The following RBFOX1 variants were observed in gnomAD, a reference collection of about 807,000 sequenced individuals.
The protein encoded by RBFOX1 is RNA binding fox-1 homolog 1, also known as RNA binding protein fox-1 homolog 1.
In RBFOX1, 8 loss-of-function variants were observed where a neutral mutation model predicts 57.7. That is an observed-to-expected ratio of 0.14 (90% confidence interval 0.08 to 0.25). The LOEUF (loss-of-function observed/expected upper bound fraction) is 0.25, where lower values mean the gene tolerates loss of function less well. Among genes scored for constraint, RBFOX1 ranks in the 10% least tolerant of loss-of-function variants. The probability of loss-of-function intolerance (pLI) is 1.00; values close to 1 mark genes in which losing one functional copy is unlikely to be tolerated. For missense variants in RBFOX1, 611 were observed against 548.5 expected (o/e 1.11, Z -1.14); for synonymous variants, 326 against 222.4 (o/e 1.47, Z -4.15).
In RBFOX1 at chr16:6,895,436, G is replaced by GTATA. The variant is rs1420239034; in HGVS notation, c.-15-156620_-15-156619insATAT. Among the ~76,000 whole-genome samples, 115 of 85,752 alleles carry GTATA rather than the reference G, an allele frequency of 1.3e-3. 1 individual carries two copies. The highest frequency in any genetic ancestry group is 2.2e-3 in the Non-Finnish European group (90 of 40,942). The allele number at this position is 85,752 out of a possible 152,430, so 56.3% of individuals were successfully genotyped here. A position where few individuals can be genotyped will look rare whatever the true frequency, so the allele number is the denominator to read the frequency against. On this transcript the variant is annotated intron_variant, in intron 3 of 15. Coordinates refer to ENST00000550418, the MANE Select transcript of RBFOX1 (RefSeq NM_018723.4). ...GTAATATATGTGTGTGTGTGTGTGT[G>GTATA]TGTGTGTGTGTGTATATATATATAT...
intron 14 of RBFOX1, among the ~76,000 whole-genome samples, chr16:7,687,518 C>A (rs1170621904): frequency 6.6e-6 from 1 of 151,938 alleles, no homozygotes; most frequent in East Asian, 1.9e-4. Flanking sequence ...TTGGTAAGAT[C>A]AGCAATATGA....
chr16:6,221,293 T>C lies in RBFOX1; in HGVS notation c.-126-95702T>C, dbSNP rs147596760. Among the ~76,000 whole-genome samples the C allele has an allele frequency of 2.8e-3, 421 of 152,336 alleles. 3 individuals carry two copies. The highest frequency in any genetic ancestry group is 9.7e-3 in the African/African-American group (403 of 41,594). Reference sequence around the variant, plus strand: ...TTATAATTACTTTACATTTTCCTAATAGAAACTGTATCACTGCTGTTTAAT... The same window carrying C: ...TTATAATTACTTTACATTTTCCTAACAGAAACTGTATCACTGCTGTTTAAT... On this transcript the variant is annotated intron_variant, in intron 1 of 15. Transcript: ENST00000550418.
intron 2 of RBFOX1, among the ~76,000 whole-genome samples, chr16:6,651,299 G>A (rs1180137368): frequency 6.6e-6 from 1 of 152,170 alleles, no homozygotes; most frequent in Non-Finnish European, 1.5e-5. Context: ...CCGTGCAACG[G>A]CCCCAGGTCG....
chr16:5,754,779 C>T lies in RBFOX1; in HGVS notation c.319-112524C>T, dbSNP rs1241777752. On this transcript the variant is annotated intron_variant, in intron 3 of 19. Coordinates refer to the RBFOX1 transcript ENST00000641259. ...GCAGGTCCCACCTCCAGCCCTAAGG[C>T]GGTTTTTCCCTATCTCAGTAGATGG... Among the ~76,000 whole-genome samples the T allele has an allele frequency of 7.3e-3, 72 of 9,834 alleles. 1 individual carries two copies. The highest frequency in any genetic ancestry group is 0.03 in the African/African-American group (60 of 2,010). The allele number at this position is 9,834 out of a possible 152,430, so 6.5% of individuals were successfully genotyped here.
chr16:5,566,943 C>T (rs11641772), intron 2 of RBFOX1, among the ~76,000 whole-genome samples: 28,477 of 152,048 alleles, frequency 0.19, 3,523 homozygotes, highest in Non-Finnish European at 0.27. Context: ...TTCCATGTGT[C>T]GCAATTCATC....
intron 3 of RBFOX1, among the ~76,000 whole-genome samples, chr16:6,983,083 G>C (rs970876206): frequency 6.7e-6 from 1 of 150,196 alleles, no homozygotes; most frequent in African/African-American, 2.5e-5. Flanking sequence ...ACTGGGGAGT[G>C]GCCATGCTGA....
chr16:7,602,330 A>G (rs544057336), intron 9 of RBFOX1, among the ~76,000 whole-genome samples: 1 of 152,284 alleles, frequency 6.6e-6, no homozygotes, highest in Admixed American at 6.5e-5. Flanking sequence ...TATCTGATAC[A>G]GAGCCAGACC....
At chr16:7,152,178 G>A (rs1225069696) in intron 4 of RBFOX1, among the ~76,000 whole-genome samples, 2 of 152,136 alleles carry the variant, frequency 1.3e-5, no homozygotes, top group Non-Finnish European at 2.9e-5. Context: ...GCTGATTCTT[G>A]GAGTTAGAAG....
intron 4 of RBFOX1, among the ~76,000 whole-genome samples, chr16:7,268,148 T>C (rs558535950): frequency 6.6e-6 from 1 of 152,326 alleles, no homozygotes; most frequent in South Asian, 2.1e-4. Flanking sequence ...CACCTCAATA[T>C]AGCTAACCAT....
intron 3 of RBFOX1, among the ~76,000 whole-genome samples, chr16:6,813,530 C>A (rs1006200983): frequency 2.6e-5 from 4 of 152,154 alleles, no homozygotes; most frequent in African/African-American, 9.7e-5. Context: ...CACCTGGTCC[C>A]TAAAGTAGCT....
chr16:7,453,128 CA>C (rs35613776), intron 4 of RBFOX1, among the ~76,000 whole-genome samples: 3,410 of 113,224 alleles, frequency 0.03, 105 homozygotes, highest in African/African-American at 0.086. Flanking sequence ...GGCTTTGTCT[CA>C]AAAAAAAAAA....
chr16:5,475,827 C>A (rs1364306704), intron 2 of RBFOX1, among the ~76,000 whole-genome samples: 1 of 152,050 alleles, frequency 6.6e-6, no homozygotes, highest in Admixed American at 6.6e-5. Context: ...TAAGATGAGG[C>A]CTTGCTATGT....
At chr16:7,015,543 C>G (rs754686211) in intron 3 of RBFOX1, among the ~76,000 whole-genome samples, 1 of 152,140 alleles carries the variant, frequency 6.6e-6, no homozygotes, top group Non-Finnish European at 1.5e-5. Flanking sequence ...AATTAATTCT[C>G]AGGACTGCTT....
chr16:5,545,658 T>TA (rs2045165077), intron 2 of RBFOX1, among the ~76,000 whole-genome samples: 1 of 151,922 alleles, frequency 6.6e-6, no homozygotes, highest in Non-Finnish European at 1.5e-5. Context: ...CTATTCTCAA[T>TA]TAAAAAAAAA....
At chr16:7,534,893 T>C (rs1013264795) in intron 5 of RBFOX1, among the ~76,000 whole-genome samples, 3 of 152,184 alleles carry the variant, frequency 2.0e-5, no homozygotes, top group African/African-American at 7.2e-5. Flanking sequence ...TTTCCTTCTT[T>C]AGCTCGAATG....
chr16:6,755,564 A>G (rs2075660187), intron 3 of RBFOX1, among the ~76,000 whole-genome samples: 1 of 152,140 alleles, frequency 6.6e-6, no homozygotes, highest in South Asian at 2.1e-4. Context: ...TTGATGTTTC[A>G]TTTATCTCTT....
In RBFOX1 at chr16:5,911,207, C is replaced by T. The variant is rs118040888; in HGVS notation, c.351+43872C>T. Among the ~76,000 whole-genome samples the T allele has an allele frequency of 1.1e-3, 174 of 152,266 alleles. 4 individuals carry two copies. The East Asian group carries it at 0.03, about 26-fold the overall frequency. On this transcript the variant is annotated intron_variant, in intron 4 of 19. Transcript: ENST00000641259. ...TGCAGCCCATTTGGCTTGCTGGATC[C>T]ACCCTGTTCTCTAGGGCCTCCCACT...
chr16:7,455,783 C>CT (rs1326040978), intron 4 of RBFOX1, among the ~76,000 whole-genome samples: 1 of 94,864 alleles, frequency 1.1e-5, no homozygotes, highest in Admixed American at 1.3e-4. Flanking sequence ...GAGACTCCAT[C>CT]TCAAAAAAAA....
chr16:6,691,249 G>T (rs923893505), intron 3 of RBFOX1, among the ~76,000 whole-genome samples: 6 of 152,104 alleles, frequency 3.9e-5, no homozygotes, highest in East Asian at 1.9e-4. Context: ...AATTATTCCC[G>T]TGTCTATACA....
Sources: gnomAD v4.1 joint callset for allele counts (sites outside exome capture counted in the v4.1 genomes callset) on GRCh38, gnomAD v4.1.1 for gene constraint, MANE v1.5 for transcripts, NCBI Gene and HGNC (gene_info 2026-07-23, HGNC 2026-07-21) for gene names.